GLI3: variants seen among roughly 807,000 people sequenced by gnomAD.
GLI3 encodes the protein transcription activator GLI3.
Under a neutral mutation model 100.8 loss-of-function variants are expected in GLI3, and 20 were observed. That is an observed-to-expected ratio of 0.20 (90% CI 0.14 to 0.29). The LOEUF is 0.29. Ranked by LOEUF, GLI3 falls within the 10% of genes least tolerant of loss-of-function variation. The probability of loss-of-function intolerance (pLI) is 1.00; values close to 1 mark genes in which losing one functional copy is unlikely to be tolerated. For missense variants in GLI3, 2,040 were observed against 2,128.5 expected (o/e 0.96, Z 0.82); for synonymous variants, 938 against 860.5 (o/e 1.09, Z -1.58).
intron 2 of GLI3, among the ~76,000 whole-genome samples, chr7:42,156,569 G>A (rs1291611770): frequency 2.0e-5 from 3 of 152,116 alleles, no homozygotes; most frequent in African/African-American, 7.2e-5. Flanking sequence ...ATTCCATAAC[G>A]AGATCCACGG....
At chr7:42,099,671 C>T (rs1430666941) in intron 3 of GLI3, among the ~76,000 whole-genome samples, 1 of 152,044 alleles carries the variant, frequency 6.6e-6, no homozygotes, top group East Asian at 1.9e-4. Flanking sequence ...GCTGGGATGA[C>T]AGGCACTCAC....
At chr7:42,152,437 A>C (rs754257484) in intron 2 of GLI3, 65 of 985,226 alleles carry the variant, frequency 6.6e-5, no homozygotes, top group Non-Finnish European at 7.6e-5. Flanking sequence ...CTCTAGGAAC[A>C]TTCTCGGTAT....
intron 2 of GLI3, among the ~76,000 whole-genome samples, chr7:42,213,654 T>C (rs1788314732): frequency 6.6e-6 from 1 of 152,246 alleles, no homozygotes; most frequent in Non-Finnish European, 1.5e-5. Context: ...GAAAATCCAT[T>C]TTGAAACCAA....
chr7:42,194,761 T>C (rs1286994648), intron 2 of GLI3, among the ~76,000 whole-genome samples: 5 of 137,792 alleles, frequency 3.6e-5, no homozygotes, highest in South Asian at 4.7e-4. Context: ...CTCTGTCTCT[T>C]TTTTTTTTTT....
At chr7:42,213,445 G>A (rs1177239324) in intron 2 of GLI3, among the ~76,000 whole-genome samples, 4 of 151,976 alleles carry the variant, frequency 2.6e-5, no homozygotes, top group African/African-American at 9.7e-5. Context: ...ATTGAGTTTC[G>A]TGACTGGTGG....
At chr7:42,002,120 G>A (rs901594662) in intron 10 of GLI3, among the ~76,000 whole-genome samples, 1 of 151,328 alleles carries the variant, frequency 6.6e-6, no homozygotes. Context: ...GAATTGAGAG[G>A]GCACACAAAA....
At chr7:42,177,682 C>T (rs377570312) in intron 2 of GLI3, among the ~76,000 whole-genome samples, 18 of 152,166 alleles carry the variant, frequency 1.2e-4, no homozygotes, top group South Asian at 8.3e-4. Flanking sequence ...TGAAGACAAA[C>T]GGAAGAGTAA....
chr7:42,051,178 G>A (rs1321285073), intron 4 of GLI3, among the ~76,000 whole-genome samples: 2 of 152,216 alleles, frequency 1.3e-5, no homozygotes, highest in African/African-American at 2.4e-5. Context: ...ACAGTGGAAA[G>A]GAGGGTTCCT....
intron 4 of GLI3, among the ~76,000 whole-genome samples, chr7:42,074,504 G>A (rs777609888): frequency 1.8e-4 from 27 of 152,228 alleles, no homozygotes; most frequent in African/African-American, 4.8e-4. Context: ...AGCTACATGC[G>A]AGTCTCTGGG....
At chr7:42,061,319 TAA>T (rs1209480204) in intron 4 of GLI3, among the ~76,000 whole-genome samples, 1 of 152,196 alleles carries the variant, frequency 6.6e-6, no homozygotes, top group Non-Finnish European at 1.5e-5. Flanking sequence ...CTAGCTAGTA[TAA>T]AGACTTTTTC....
chr7:42,163,303 G>A (rs987742246), intron 2 of GLI3, among the ~76,000 whole-genome samples: 4 of 151,832 alleles, frequency 2.6e-5, no homozygotes, highest in Admixed American at 1.3e-4. Context: ...TCAACAACAG[G>A]CCTCTGCTCT....
intron 3 of GLI3, among the ~76,000 whole-genome samples, chr7:42,116,905 G>T (rs1009344122): frequency 6.6e-6 from 1 of 151,978 alleles, no homozygotes; most frequent in African/African-American, 2.4e-5. Flanking sequence ...GCTACTTACG[G>T]CAATTCTCAG....
intron 10 of GLI3, among the ~76,000 whole-genome samples, chr7:42,018,942 C>T (rs967932858): frequency 1.3e-5 from 2 of 152,134 alleles, no homozygotes; most frequent in Admixed American, 6.5e-5. Context: ...TCCCCCAGTG[C>T]GATTGCCAAG....
At chr7:42,050,049 A>T (rs1784324347) in intron 4 of GLI3, among the ~76,000 whole-genome samples, 1 of 152,244 alleles carries the variant, frequency 6.6e-6, no homozygotes, top group African/African-American at 2.4e-5. Flanking sequence ...CACAGCGCAG[A>T]CACTGAAATA....
At chr7:42,102,507 G>T (rs73090604) in intron 3 of GLI3, among the ~76,000 whole-genome samples, 1,953 of 152,314 alleles carry the variant, frequency 0.013, 17 homozygotes, top group Middle Eastern at 0.024. Flanking sequence ...TGCAAGGGTT[G>T]GAATCAGTTT....
chr7:42,105,869 C>G (rs1423697727), intron 3 of GLI3, among the ~76,000 whole-genome samples: 2 of 152,118 alleles, frequency 1.3e-5, no homozygotes. Context: ...TCACATAAGA[C>G]TGATTTTAAT....
chr7:42,248,095 G>A (rs1207450407), intron 1 of GLI3, among the ~76,000 whole-genome samples: 2 of 152,288 alleles, frequency 1.3e-5, no homozygotes, highest in East Asian at 1.9e-4. Context: ...TCAATTACAA[G>A]TACTTTTTAA....
chr7:42,199,236 G>T (rs1256907352), intron 2 of GLI3, among the ~76,000 whole-genome samples: 1 of 152,168 alleles, frequency 6.6e-6, no homozygotes, highest in Admixed American at 6.5e-5. Flanking sequence ...TAAAATTTCT[G>T]AAAATGATTT....
At chr7:42,034,136 T>C (rs931298872) in intron 7 of GLI3, among the ~76,000 whole-genome samples, 15 of 152,092 alleles carry the variant, frequency 9.9e-5, no homozygotes, top group African/African-American at 3.6e-4. Flanking sequence ...GTTAGAAAAA[T>C]CATGTTAATA....
Sources: allele counts gnomAD v4.1 joint callset (sites outside exome capture counted in the v4.1 genomes callset), GRCh38; gene constraint gnomAD v4.1.1; transcripts MANE v1.5; gene names NCBI Gene and HGNC (gene_info 2026-07-23, HGNC 2026-07-21).